Variants in ULK4 observed in about 807,000 individuals in gnomAD.
The protein encoded by ULK4 is unc-51 like kinase 4.
In ULK4, 133 loss-of-function variants were observed where a neutral mutation model predicts 160.6. The ratio of observed to expected loss-of-function variants is 0.83; its 90% confidence interval spans 0.72 to 0.96. The LOEUF is 0.96. ULK4 is among the 40% of genes least tolerant of loss of function. The pLI is 0.00. For synonymous variants in ULK4, 534 were observed against 539.8 expected (o/e 0.99, Z 0.15); for missense variants, 1,580 against 1,499.5 (o/e 1.05, Z -0.89).
intron 17 of ULK4, among the ~76,000 whole-genome samples, chr3:41,848,666 C>G (rs1013995735): frequency 3.3e-5 from 5 of 152,186 alleles, no homozygotes; most frequent in Non-Finnish European, 4.4e-5. Context: ...CTGACGTTCA[C>G]TTTTTCCTTC....
intron 21 of ULK4, among the ~76,000 whole-genome samples, chr3:41,755,248 A>C (rs2038760974): frequency 6.6e-6 from 1 of 152,180 alleles, no homozygotes; most frequent in Admixed American, 6.5e-5. Flanking sequence ...AGCACCTAAC[A>C]GTAACACTGT....
chr3:41,450,696 T>A (rs7646275), intron 34 of ULK4, among the ~76,000 whole-genome samples: 86,131 of 152,056 alleles, frequency 0.57, 25,620 homozygotes, highest in African/African-American at 0.77. Flanking sequence ...ACATTTTTTA[T>A]CAACCACTGT....
intron 16 of ULK4, 149 bp from the exon 17 acceptor site, chr3:41,884,101 T>C: frequency 1.5e-6 from 1 of 652,234 alleles, no homozygotes. Context: ...CACTCCCACA[T>C]GTACACAGCC....
chr3:41,715,579 C>T lies in ULK4; in HGVS notation c.2456-11G>A. 6.2e-7 allele frequency: 1 copy of T among 1,614,004 alleles called. No homozygotes were observed. The highest frequency in any genetic ancestry group is 8.5e-7 in the Non-Finnish European group (1 of 1,179,994). ...AGTTAAGAATGTCACCTGTGAAGCA[C>T]AGCCCAGAGCATATGTGGAGGTTAA... On this transcript the variant is annotated splice_polypyrimidine_tract_variant and intron_variant, in intron 23 of 36. Coordinates refer to ENST00000301831, the MANE Select transcript of ULK4 (RefSeq NM_017886.4).
intron 27 of ULK4, among the ~76,000 whole-genome samples, chr3:41,699,607 G>C (rs2036606357): frequency 6.6e-6 from 1 of 152,114 alleles, no homozygotes; most frequent in African/African-American, 2.4e-5. Context: ...CTAAAACTCT[G>C]GGAAAAATCT....
At chr3:41,463,658 T>C (rs979663765) in intron 32 of ULK4, among the ~76,000 whole-genome samples, 2 of 152,192 alleles carry the variant, frequency 1.3e-5, no homozygotes, top group Non-Finnish European at 2.9e-5. Flanking sequence ...GTCTGCTCTA[T>C]CTAGCAACTG....
chr3:41,533,446 C>T (rs1424236892), intron 32 of ULK4, among the ~76,000 whole-genome samples: 1 of 152,140 alleles, frequency 6.6e-6, no homozygotes, highest in Non-Finnish European at 1.5e-5. Context: ...AGTTAAATCA[C>T]AATTTAATAA....
At chr3:41,865,721 C>A (rs1175213117) in intron 17 of ULK4, among the ~76,000 whole-genome samples, 1 of 152,046 alleles carries the variant, frequency 6.6e-6, no homozygotes, top group Non-Finnish European at 1.5e-5. Flanking sequence ...TGACTGGATA[C>A]CAAAAAATTT....
chr3:41,537,917 T>G (rs1019394240), intron 32 of ULK4, among the ~76,000 whole-genome samples: 9 of 135,992 alleles, frequency 6.6e-5, no homozygotes, highest in African/African-American at 2.4e-4. Flanking sequence ...GAATGTCCTT[T>G]GTGGCATTTT....
At chr3:41,690,371 G>A (rs572371862) in intron 27 of ULK4, among the ~76,000 whole-genome samples, 12 of 151,168 alleles carry the variant, frequency 7.9e-5, no homozygotes, top group South Asian at 4.2e-4. Flanking sequence ...CAGCACACCA[G>A]CATGGCACAT....
At chr3:41,448,767 G>A (rs1202852549) in intron 34 of ULK4, among the ~76,000 whole-genome samples, 2 of 152,294 alleles carry the variant, frequency 1.3e-5, no homozygotes, top group Admixed American at 6.5e-5. Flanking sequence ...TTGATGAAAC[G>A]GGGCAGGATG....
intron 30 of ULK4, among the ~76,000 whole-genome samples, chr3:41,640,264 G>T (rs1339670457): frequency 1.3e-5 from 2 of 152,156 alleles, no homozygotes; most frequent in African/African-American, 4.8e-5. Context: ...CCTTAGAAAG[G>T]TAGCTCTATA....
chr3:41,472,390 G>T (rs931302481), intron 32 of ULK4, among the ~76,000 whole-genome samples: 3 of 151,922 alleles, frequency 2.0e-5, no homozygotes, highest in Non-Finnish European at 4.4e-5. Context: ...CCAATATGAT[G>T]AAACCCCATC....
chr3:41,297,505 G>T (rs9879930), intron 35 of ULK4, among the ~76,000 whole-genome samples: 23,605 of 152,100 alleles, frequency 0.16, 2,190 homozygotes, highest in African/African-American at 0.25. Context: ...CTTACCACTG[G>T]CTGTCACAAG....
chr3:41,864,105 AG>A (rs776333420), intron 17 of ULK4, among the ~76,000 whole-genome samples: 2 of 152,230 alleles, frequency 1.3e-5, no homozygotes, highest in African/African-American at 2.4e-5. Flanking sequence ...TACGATTTGC[AG>A]GAACTCAAGC....
At chr3:41,933,050 T>TA (rs1699648414) in intron 4 of ULK4, among the ~76,000 whole-genome samples, 1 of 152,110 alleles carries the variant, frequency 6.6e-6, no homozygotes, top group African/African-American at 2.4e-5. Flanking sequence ...TAAAATAAAA[T>TA]AAATAAAATA....
At chr3:41,861,480 G>T (rs1716674) in intron 17 of ULK4, among the ~76,000 whole-genome samples, 3 of 151,632 alleles carry the variant, frequency 2.0e-5, no homozygotes, top group African/African-American at 7.3e-5. Flanking sequence ...TCCCTCCTGG[G>T]CTTTAAGGTT....
intron 30 of ULK4, among the ~76,000 whole-genome samples, chr3:41,657,083 C>T (rs1046907502): frequency 2.0e-5 from 3 of 152,056 alleles, no homozygotes; most frequent in African/African-American, 7.2e-5. Flanking sequence ...AAACAATTTA[C>T]CTTTCTGCTA....
chr3:41,938,224 A>G (rs751823217), intron 2 of ULK4, 27 bp from the exon 3 acceptor site: 2 of 1,578,862 alleles, frequency 1.3e-6, no homozygotes, highest in Non-Finnish European at 1.7e-6. Flanking sequence ...CAATCACTCT[A>G]AAAAGAAATT....
Sources: gnomAD v4.1 joint callset for allele counts (sites outside exome capture counted in the v4.1 genomes callset) on GRCh38, gnomAD v4.1.1 for gene constraint, MANE v1.5 for transcripts, NCBI Gene and HGNC (gene_info 2026-07-23, HGNC 2026-07-21) for gene names.